Variants in GNG12 observed in about 807,000 individuals in gnomAD.
GNG12 encodes the protein G protein subunit gamma 12, also known as guanine nucleotide-binding protein G(I)/G(S)/G(O) subunit gamma-12.
For synonymous variants in GNG12, 28 were observed against 29.7 expected, an observed-to-expected ratio of 0.94 and a Z score of 0.19; for missense variants, 69 against 83.8, an observed-to-expected ratio of 0.82 and a Z score of 0.69.
intron 1 of GNG12, among the ~76,000 whole-genome samples, chr1:67,813,463 A>G (rs965534788): frequency 1.3e-5 from 2 of 152,188 alleles, no homozygotes; most frequent in African/African-American, 2.4e-5. Context: ...TTTAGGCATC[A>G]GTTAGGGCCT....
chr1:67,817,194 G>A (rs1000258996), intron 1 of GNG12, among the ~76,000 whole-genome samples: 2 of 152,160 alleles, frequency 1.3e-5, no homozygotes, highest in African/African-American at 4.8e-5. Context: ...ATGCTACTGG[G>A]AACCCAGACA....
intron 2 of GNG12, among the ~76,000 whole-genome samples, chr1:67,728,305 T>C (rs1377410192): frequency 6.6e-6 from 1 of 152,218 alleles, no homozygotes; most frequent in Non-Finnish European, 1.5e-5. Context: ...TTAAGAGCCA[T>C]GGGACTAGAA....
rs563731808 is a variant in GNG12 at position 67,765,743 on chromosome 1, G to A, written c.-27+11715C>T. 9.8e-5 allele frequency among the ~76,000 whole-genome samples: 15 copies of A among 152,304 alleles called. No homozygotes were observed. The South Asian group carries it at 2.1e-3, about 21-fold the overall frequency. On this transcript the variant is annotated intron_variant, in intron 2 of 3. Coordinates refer to ENST00000370982, the MANE Select transcript of GNG12 (RefSeq NM_018841.6). ...TGTTAGTAGCAGGTGTAAATGAAACGATGCGAATAAACTAGCAGGACTAAA... is the reference window on the plus strand; with the variant it reads ...TGTTAGTAGCAGGTGTAAATGAAACAATGCGAATAAACTAGCAGGACTAAA...
At chr1:67,828,856 C>T (rs896638309) in intron 1 of GNG12, among the ~76,000 whole-genome samples, 3 of 152,178 alleles carry the variant, frequency 2.0e-5, no homozygotes, top group African/African-American at 7.2e-5. Context: ...TCTTTTACCG[C>T]TAAACAATTC....
At chr1:67,731,926 G>A (rs1646422323) in intron 2 of GNG12, among the ~76,000 whole-genome samples, 1 of 152,176 alleles carries the variant, frequency 6.6e-6, no homozygotes, top group Non-Finnish European at 1.5e-5. Context: ...GACAAAAATG[G>A]TTTCAGTGCG....
intron 2 of GNG12, among the ~76,000 whole-genome samples, chr1:67,756,066 C>T (rs536781933): frequency 1.3e-5 from 2 of 152,236 alleles, no homozygotes; most frequent in East Asian, 1.9e-4. Context: ...CCAGGTAAGA[C>T]GAACCCATTG....
rs1265089636 is a variant in GNG12, at chr1:67,701,574, C to T, written c.*3877G>A. 1 of 152,644 alleles carries T rather than the reference C, an allele frequency of 6.6e-6. No homozygotes were observed. 9.5% of individuals were successfully genotyped at this position (152,644 alleles called of 1,614,324 possible). On this transcript the variant is annotated 3_prime_UTR_variant, in exon 4 of 4. Coordinates refer to ENST00000370982, the MANE Select transcript of GNG12 (RefSeq NM_018841.6). Reference sequence around the variant, plus strand: ...ATGGTGCTTTTAATGAAACTTCTTTCAAATCTGTGAACATGCTAGCTGTGA... The same window carrying T: ...ATGGTGCTTTTAATGAAACTTCTTTTAAATCTGTGAACATGCTAGCTGTGA...
At chr1:67,773,356 G>A (rs888649393) in intron 2 of GNG12, among the ~76,000 whole-genome samples, 1 of 152,078 alleles carries the variant, frequency 6.6e-6, no homozygotes, top group African/African-American at 2.4e-5. Context: ...CCCCACCCTT[G>A]ATCCTGCACT....
At chr1:67,779,237 GC>G (rs1019930827) in intron 1 of GNG12, among the ~76,000 whole-genome samples, 4 of 152,118 alleles carry the variant, frequency 2.6e-5, no homozygotes, top group Non-Finnish European at 2.9e-5. Flanking sequence ...TAATCCACAG[GC>G]CGCAAAAGAA....
At chr1:67,804,927 A>C (rs571879662) in intron 1 of GNG12, among the ~76,000 whole-genome samples, 8 of 152,288 alleles carry the variant, frequency 5.3e-5, no homozygotes, top group African/African-American at 1.9e-4. Context: ...TGCTTCCAGC[A>C]GGGGGAGGGT....
At chr1:67,777,530 T>G in intron 1 of GNG12, 23 bp from the exon 2 acceptor site, 1 of 627,582 alleles carries the variant, frequency 1.6e-6, no homozygotes, top group Non-Finnish European at 2.0e-6. Flanking sequence ...TAAATAAACA[T>G]TCCATAAGTA....
chr1:67,725,966 C>T (rs935781748), intron 2 of GNG12, among the ~76,000 whole-genome samples: 10 of 152,246 alleles, frequency 6.6e-5, no homozygotes, highest in African/African-American at 2.4e-4. Context: ...AATTTAAATA[C>T]TCATGTTACT....
At chr1:67,799,456 T>C (rs879347499) in intron 1 of GNG12, among the ~76,000 whole-genome samples, 5 of 152,218 alleles carry the variant, frequency 3.3e-5, no homozygotes, top group Non-Finnish European at 5.9e-5. Flanking sequence ...CATTTCATGT[T>C]TATTTGTCCT....
chr1:67,708,525 C>G (rs1646263228), intron 2 of GNG12, among the ~76,000 whole-genome samples: 1 of 152,216 alleles, frequency 6.6e-6, no homozygotes, highest in Admixed American at 6.5e-5. Context: ...AGCTGTTGGC[C>G]TCTAGGCTGC....
chr1:67,780,275 A>G (rs887302353), intron 1 of GNG12, among the ~76,000 whole-genome samples: 1 of 152,156 alleles, frequency 6.6e-6, no homozygotes, highest in African/African-American at 2.4e-5. Context: ...CCAGTAGTCT[A>G]AGGTTACATG....
At chr1:67,796,102 T>G (rs200827485) in intron 1 of GNG12, among the ~76,000 whole-genome samples, 1 of 152,242 alleles carries the variant, frequency 6.6e-6, no homozygotes, top group Non-Finnish European at 1.5e-5. Flanking sequence ...TAGAAAACCA[T>G]GCCTTCTATG....
intron 2 of GNG12, among the ~76,000 whole-genome samples, chr1:67,771,233 A>C (rs1003956613): frequency 2.6e-4 from 40 of 152,230 alleles, no homozygotes; most frequent in Non-Finnish European, 4.7e-4. Flanking sequence ...TTAGTTACAT[A>C]CAGTTAACCT....
At chr1:67,718,440 GT>G (rs1357702674) in intron 2 of GNG12, among the ~76,000 whole-genome samples, 1 of 152,054 alleles carries the variant, frequency 6.6e-6, no homozygotes, top group Non-Finnish European at 1.5e-5. Context: ...TTATTGAAAT[GT>G]TTTTTGTACT....
chr1:67,755,501 T>C lies in GNG12; in HGVS notation c.-27+21957A>G, dbSNP rs576551115. 5.3e-4 allele frequency among the ~76,000 whole-genome samples: 81 copies of C among 152,316 alleles called. 2 individuals are homozygous for C. In the South Asian group the frequency reaches 0.015, roughly 28 times the overall value. ...CTGGTGGCTTGTCCTACTCTTGAGA[T>C]TGAATGAAGAGCCAGCATCGTCTTC... On this transcript the variant is annotated intron_variant, in intron 2 of 3. Coordinates refer to ENST00000370982, the MANE Select transcript of GNG12 (RefSeq NM_018841.6).
Sources: gnomAD v4.1 joint callset for allele counts (sites outside exome capture counted in the v4.1 genomes callset) on GRCh38, gnomAD v4.1.1 for gene constraint, MANE v1.5 for transcripts, NCBI Gene and HGNC (gene_info 2026-07-23, HGNC 2026-07-21) for gene names.